CNTNAP2: variants seen among roughly 807,000 people sequenced by gnomAD.
The protein encoded by CNTNAP2 is contactin-associated protein-like 2.
CNTNAP2 carries 98 observed loss-of-function variants against 155.2 expected under a neutral mutation model. That is an observed-to-expected ratio of 0.63 (90% CI 0.54 to 0.75). The LOEUF is 0.75. Ranked by LOEUF, CNTNAP2 falls within the 30% of genes least tolerant of loss-of-function variation. CNTNAP2 has a pLI of 0.00. For synonymous variants in CNTNAP2, 651 were observed against 631.2 expected (o/e 1.03, Z -0.47); for missense variants, 1,727 against 1,688.1 (o/e 1.02, Z -0.40).
intron 1 of CNTNAP2, among the ~76,000 whole-genome samples, chr7:146,318,013 C>T (rs1255502357): frequency 6.6e-6 from 1 of 151,934 alleles, no homozygotes; most frequent in Non-Finnish European, 1.5e-5. Context: ...TGGTGGCACG[C>T]ACTTGTAGTC....
intron 1 of CNTNAP2, among the ~76,000 whole-genome samples, chr7:146,657,161 T>C (rs1800009638): frequency 6.6e-6 from 1 of 152,202 alleles, no homozygotes; most frequent in Admixed American, 6.5e-5. Context: ...TCATTTATTC[T>C]CAATTTGGGC....
intron 16 of CNTNAP2, among the ~76,000 whole-genome samples, chr7:148,121,892 T>G (rs1172175330): frequency 1.3e-5 from 2 of 152,336 alleles, no homozygotes; most frequent in East Asian, 1.9e-4. Flanking sequence ...TAATGAGTAT[T>G]TACTGAGTAT....
intron 3 of CNTNAP2, among the ~76,000 whole-genome samples, chr7:146,847,787 CTTA>C (rs1026337815): frequency 6.6e-6 from 1 of 152,076 alleles, no homozygotes; most frequent in African/African-American, 2.4e-5. Flanking sequence ...CTTGGGCCTA[CTTA>C]TTATCACATC....
chr7:147,741,423 A>T (rs922172116), intron 13 of CNTNAP2, among the ~76,000 whole-genome samples: 1 of 152,364 alleles, frequency 6.6e-6, no homozygotes, highest in South Asian at 2.1e-4. Context: ...TTGAAAGAAT[A>T]TTAAATTAAG....
chr7:146,618,890 T>A (rs2129155835), intron 1 of CNTNAP2, among the ~76,000 whole-genome samples: 1 of 151,964 alleles, frequency 6.6e-6, no homozygotes, highest in East Asian at 1.9e-4. Flanking sequence ...GCCAACATGG[T>A]GAAACCCTGT....
chr7:147,476,651 G>C (rs1386683788), intron 10 of CNTNAP2, among the ~76,000 whole-genome samples: 3 of 151,776 alleles, frequency 2.0e-5, no homozygotes, highest in East Asian at 3.9e-4. Flanking sequence ...GGTTGGTCAG[G>C]CGCGGTGGCT....
intron 1 of CNTNAP2, among the ~76,000 whole-genome samples, chr7:146,717,908 G>A (rs1158323303): frequency 2.0e-5 from 3 of 151,388 alleles, no homozygotes; most frequent in Non-Finnish European, 2.9e-5. Flanking sequence ...AAAGTCACAC[G>A]GATGACCAAT....
intron 13 of CNTNAP2, among the ~76,000 whole-genome samples, chr7:147,714,429 G>C (rs1308830875): frequency 9.5e-6 from 1 of 105,124 alleles, no homozygotes; most frequent in Non-Finnish European, 2.4e-5. Context: ...GAGGTTCTTT[G>C]TTTGTGTGTT....
At chr7:147,224,281 A>G (rs1361345690) in intron 8 of CNTNAP2, among the ~76,000 whole-genome samples, 1 of 152,214 alleles carries the variant, frequency 6.6e-6, no homozygotes, top group Non-Finnish European at 1.5e-5. Flanking sequence ...AAGTCTCCAT[A>G]CCATTTTTCA....
chr7:148,018,256 G>A (rs1182238456), intron 15 of CNTNAP2, among the ~76,000 whole-genome samples: 8 of 152,180 alleles, frequency 5.3e-5, no homozygotes, highest in Non-Finnish European at 1.2e-4. Context: ...GTTCATCCCA[G>A]GTGGTTTATG....
At chr7:147,948,180 G>T (rs1033136512) in intron 14 of CNTNAP2, among the ~76,000 whole-genome samples, 5 of 151,826 alleles carry the variant, frequency 3.3e-5, no homozygotes, top group Non-Finnish European at 5.9e-5. Flanking sequence ...TTCATTCTAG[G>T]GGGAGGGGGG....
intron 11 of CNTNAP2, among the ~76,000 whole-genome samples, chr7:147,516,615 A>T (rs944469391): frequency 2.2e-5 from 2 of 91,606 alleles, no homozygotes; most frequent in African/African-American, 7.9e-5. Flanking sequence ...AGAGAGAGAG[A>T]GAATGTGTGT....
At chr7:148,235,684 TA>T (rs1796029470) in intron 20 of CNTNAP2, among the ~76,000 whole-genome samples, 1 of 97,736 alleles carries the variant, frequency 1.0e-5, no homozygotes, top group African/African-American at 3.7e-5. Flanking sequence ...GTGCAGCAAT[TA>T]TTTTTTTTTT....
intron 8 of CNTNAP2, among the ~76,000 whole-genome samples, chr7:147,242,632 T>C (rs1249715882): frequency 6.6e-6 from 1 of 152,196 alleles, no homozygotes; most frequent in South Asian, 2.1e-4. Flanking sequence ...AAAGTTTTCC[T>C]TATCGCTCTT....
At chr7:146,931,369 AG>A in intron 3 of CNTNAP2, among the ~76,000 whole-genome samples, 1 of 149,948 alleles carries the variant, frequency 6.7e-6, no homozygotes, top group Non-Finnish European at 1.5e-5. Context: ...GCAGAAATAA[AG>A]ATGTTCTTTG....
At chr7:146,352,324 TTAGA>T (rs2129098962) in intron 1 of CNTNAP2, among the ~76,000 whole-genome samples, 1 of 152,328 alleles carries the variant, frequency 6.6e-6, no homozygotes, top group Non-Finnish European at 1.5e-5. Context: ...TAGAATAGTC[TTAGA>T]TGGATCTTGC....
At chr7:148,001,607 T>C (rs1020805028) in intron 15 of CNTNAP2, among the ~76,000 whole-genome samples, 9 of 152,222 alleles carry the variant, frequency 5.9e-5, no homozygotes, top group African/African-American at 2.2e-4. Flanking sequence ...CAAGATGCTT[T>C]ATACATGAGC....
chr7:146,184,098 G>A (rs918653264), intron 1 of CNTNAP2, among the ~76,000 whole-genome samples: 1 of 152,166 alleles, frequency 6.6e-6, no homozygotes, highest in Non-Finnish European at 1.5e-5. Flanking sequence ...CCCAGATGCA[G>A]AAAAGCTCCA....
intron 13 of CNTNAP2, among the ~76,000 whole-genome samples, chr7:147,640,028 C>T (rs764788778): frequency 6.6e-6 from 1 of 152,064 alleles, no homozygotes; most frequent in Admixed American, 6.6e-5. Context: ...GGAAATAAGT[C>T]AAAGAAACAT....
Sources: gnomAD v4.1 joint callset for allele counts (sites outside exome capture counted in the v4.1 genomes callset) on GRCh38, gnomAD v4.1.1 for gene constraint, MANE v1.5 for transcripts, NCBI Gene and HGNC (gene_info 2026-07-23, HGNC 2026-07-21) for gene names.